ARFIP1: variants seen among roughly 807,000 people sequenced by gnomAD.
ARFIP1 encodes arfaptin-1.
ARFIP1 carries 24 observed loss-of-function variants against 42.5 expected under a neutral mutation model. The ratio of observed to expected loss-of-function variants is 0.57; its 90% confidence interval spans 0.41 to 0.80. ARFIP1 has a LOEUF of 0.80. Ranked by LOEUF, ARFIP1 falls within the 30% of genes least tolerant of loss-of-function variation. ARFIP1 has a pLI of 0.00. For synonymous variants in ARFIP1, 141 were observed against 153.7 expected, an observed-to-expected ratio of 0.92 and a Z score of 0.61; for missense variants, 354 against 434.0, an observed-to-expected ratio of 0.82 and a Z score of 1.64.
chr4:152,799,591 G>T (rs1221421294), intron 1 of ARFIP1, among the ~76,000 whole-genome samples: 2 of 152,202 alleles, frequency 1.3e-5, no homozygotes, highest in African/African-American at 4.8e-5. Context: ...AGGGTTCCTT[G>T]TGATTTAAAA....
Position 152,796,184 on chromosome 4 carries a change from C to T in ARFIP1, c.-10+15958C>T, listed in dbSNP as rs186979567. On this transcript the variant is annotated intron_variant, in intron 1 of 8. Coordinates refer to ENST00000353617, the MANE Select transcript of ARFIP1 (RefSeq NM_001025595.3). ...AGGCCCACTTCACTCACATTTACCTCAGTGACAGTCTTTAGTAATAACACC... is the reference window on the plus strand; with the variant it reads ...AGGCCCACTTCACTCACATTTACCTTAGTGACAGTCTTTAGTAATAACACC... The T allele has an allele frequency of 1.2e-3, 898 of 764,056 alleles. 9 individuals are homozygous for T. In the African/African-American group the frequency reaches 0.013, roughly 11 times the overall value. 47.3% of individuals were successfully genotyped at this position (764,056 alleles called of 1,614,324 possible).
At chr4:152,875,854 G>C (rs1398973994) in intron 5 of ARFIP1, among the ~76,000 whole-genome samples, 1 of 151,930 alleles carries the variant, frequency 6.6e-6, no homozygotes, top group East Asian at 1.9e-4. Flanking sequence ...GGAGGTAATT[G>C]AATCATGGGA....
chr4:152,857,275 C>A (rs60607606), intron 2 of ARFIP1, among the ~76,000 whole-genome samples: 2 of 152,108 alleles, frequency 1.3e-5, no homozygotes, highest in Admixed American at 6.5e-5. Flanking sequence ...TCTATTAGTG[C>A]GCTTAAACCG....
At chr4:152,860,109 G>C (rs1208942671) in intron 2 of ARFIP1, among the ~76,000 whole-genome samples, 1 of 151,998 alleles carries the variant, frequency 6.6e-6, no homozygotes, top group African/African-American at 2.4e-5. Context: ...TTTAAAAATT[G>C]GGATGAAGGA....
chr4:152,793,308 G>A (rs962511286), intron 1 of ARFIP1, among the ~76,000 whole-genome samples: 6 of 87,554 alleles, frequency 6.9e-5, no homozygotes, highest in South Asian at 4.5e-4. Flanking sequence ...GCGAAACTCC[G>A]TCTCAAAAAA....
At chr4:152,881,225 G>T in intron 6 of ARFIP1, 41 bp downstream of exon 6, 1 of 1,418,042 alleles carries the variant, frequency 7.1e-7, no homozygotes, top group African/African-American at 1.4e-5. Context: ...GGGAGAAAAT[G>T]ATAATAGAAG....
chr4:152,867,433 C>A (rs532969442), intron 3 of ARFIP1, among the ~76,000 whole-genome samples: 2 of 151,510 alleles, frequency 1.3e-5, no homozygotes, highest in South Asian at 4.2e-4. Flanking sequence ...TGCAGTGAGC[C>A]GAGATGGCAG....
chr4:152,832,028 G>A (rs1170147480), intron 2 of ARFIP1, among the ~76,000 whole-genome samples: 1 of 151,626 alleles, frequency 6.6e-6, no homozygotes, highest in African/African-American at 2.4e-5. Flanking sequence ...TCAGCTGATT[G>A]TTATCTAGGT....
chr4:152,901,305 C>G (rs910862210), intron 8 of ARFIP1, among the ~76,000 whole-genome samples: 25 of 152,086 alleles, frequency 1.6e-4, no homozygotes, highest in African/African-American at 6.0e-4. Flanking sequence ...GCTGTGTAGG[C>G]AAGAGAAAGT....
chr4:152,870,941 A>C (rs1160388779), intron 4 of ARFIP1, 93 bp downstream of exon 4: 1 of 1,076,296 alleles, frequency 9.3e-7, no homozygotes, highest in Non-Finnish European at 1.3e-6. Flanking sequence ...TTATATTCTT[A>C]GGTGTGTGTG....
chr4:152,827,598 C>G (rs1730940285), intron 1 of ARFIP1, among the ~76,000 whole-genome samples: 1 of 152,168 alleles, frequency 6.6e-6, no homozygotes, highest in African/African-American at 2.4e-5. Context: ...ACCCTCTTGT[C>G]TTTTTACTGC....
At chr4:152,813,260 T>C (rs768269632) in intron 1 of ARFIP1, among the ~76,000 whole-genome samples, 2 of 152,188 alleles carry the variant, frequency 1.3e-5, no homozygotes, top group African/African-American at 4.8e-5. Context: ...TCATTTTATA[T>C]AAGGGCCCTG....
chr4:152,825,369 A>G (rs1730749595), intron 1 of ARFIP1, among the ~76,000 whole-genome samples: 1 of 152,196 alleles, frequency 6.6e-6, no homozygotes, highest in African/African-American at 2.4e-5. Context: ...AGAATAATAG[A>G]ACAGAATAGG....
chr4:152,822,808 T>C (rs1730497295), intron 1 of ARFIP1, among the ~76,000 whole-genome samples: 1 of 152,172 alleles, frequency 6.6e-6, no homozygotes, highest in Non-Finnish European at 1.5e-5. Context: ...CTCTTGAATG[T>C]TGTCTGGGTT....
chr4:152,823,885 T>C (rs897278692), intron 1 of ARFIP1, among the ~76,000 whole-genome samples: 1 of 150,942 alleles, frequency 6.6e-6, no homozygotes, highest in Non-Finnish European at 1.5e-5. Flanking sequence ...ATGGGGCCAG[T>C]ATCACCCTGA....
intron 2 of ARFIP1, among the ~76,000 whole-genome samples, chr4:152,839,434 A>C (rs541112517): frequency 6.6e-6 from 1 of 152,014 alleles, no homozygotes; most frequent in Non-Finnish European, 1.5e-5. Flanking sequence ...TGGTAATTTT[A>C]AAATTACCAT....
chr4:152,885,749 C>T lies in ARFIP1; in HGVS notation c.792-2384C>T, dbSNP rs1228009275. Among the ~76,000 whole-genome samples, 3 of 151,810 alleles carry T rather than the reference C, an allele frequency of 2.0e-5. No homozygotes were observed. The East Asian group carries it at 5.8e-4, about 29-fold the overall frequency. On this transcript the variant is annotated intron_variant, in intron 7 of 8. Coordinates refer to ENST00000353617, the MANE Select transcript of ARFIP1 (RefSeq NM_001025595.3). ...CCAAGGCTATTGAAGGATATTTGTCCTTAGATTAAATCACCATGTATTACT... is the reference window on the plus strand; with the variant it reads ...CCAAGGCTATTGAAGGATATTTGTCTTTAGATTAAATCACCATGTATTACT...
chr4:152,837,386 C>T (rs1469477461), intron 2 of ARFIP1, among the ~76,000 whole-genome samples: 1 of 152,210 alleles, frequency 6.6e-6, no homozygotes, highest in Non-Finnish European at 1.5e-5. Context: ...AGTTTACATT[C>T]CCACTAGCAG....
intron 1 of ARFIP1, among the ~76,000 whole-genome samples, chr4:152,789,473 A>G (rs1731019714): frequency 6.6e-6 from 1 of 152,180 alleles, no homozygotes; most frequent in African/African-American, 2.4e-5. Flanking sequence ...AGTTTTGTCC[A>G]CTGTAAAGTT....
Sources: allele counts gnomAD v4.1 joint callset (sites outside exome capture counted in the v4.1 genomes callset), GRCh38; gene constraint gnomAD v4.1.1; transcripts MANE v1.5; gene names NCBI Gene and HGNC (gene_info 2026-07-23, HGNC 2026-07-21).